TP53BP2: variants seen among roughly 807,000 people sequenced by gnomAD.
The protein encoded by TP53BP2 is tumor protein p53 binding protein 2.
Under a neutral mutation model 126.2 loss-of-function variants are expected in TP53BP2, and 62 were observed. The ratio of observed to expected loss-of-function variants is 0.49; its 90% CI spans 0.40 to 0.61. The LOEUF is 0.61. Ranked by LOEUF, TP53BP2 falls within the 20% of genes least tolerant of loss-of-function variation. TP53BP2 has a pLI of 0.00. For missense variants in TP53BP2, 1,215 were observed against 1,402.8 expected (o/e 0.87, Z 2.14); for synonymous variants, 485 against 502.9 (o/e 0.96, Z 0.48).
chr1:223,781,995 G>A (rs1420276787), intron 17 of TP53BP2, among the ~76,000 whole-genome samples: 3 of 152,096 alleles, frequency 2.0e-5, no homozygotes, highest in Non-Finnish European at 4.4e-5. Flanking sequence ...CACTGCTCCC[G>A]CACTTGGAAA....
intron 2 of TP53BP2, among the ~76,000 whole-genome samples, chr1:223,817,696 C>G (rs61823580): frequency 0.1 from 15,435 of 152,058 alleles, 887 homozygotes; most frequent in African/African-American, 0.16. Flanking sequence ...GAGGCTGAGG[C>G]AGGCGGATCA....
chr1:223,797,752 CAG>C (rs1213116520), intron 12 of TP53BP2, among the ~76,000 whole-genome samples: 1 of 150,792 alleles, frequency 6.6e-6, no homozygotes, highest in African/African-American at 2.4e-5. Flanking sequence ...CACACACATA[CAG>C]AGACACACAT....
chr1:223,811,056 G>T (rs1662893538), intron 3 of TP53BP2, among the ~76,000 whole-genome samples: 1 of 152,112 alleles, frequency 6.6e-6, no homozygotes, highest in Admixed American at 6.5e-5. Flanking sequence ...GTACTATGAG[G>T]TACTTCCACA....
intron 12 of TP53BP2, among the ~76,000 whole-genome samples, chr1:223,797,217 A>T: frequency 6.6e-6 from 1 of 152,178 alleles, no homozygotes; most frequent in East Asian, 1.9e-4. Context: ...TTATTTCATG[A>T]CTACAAAGCT....
chr1:223,820,979 A>G, intron 2 of TP53BP2: 1 of 560,676 alleles, frequency 1.8e-6, no homozygotes, highest in South Asian at 2.1e-5. Flanking sequence ...ACTGGACCAC[A>G]ACAGCCCAGA....
At chr1:223,797,772 T>C (rs1254747770) in intron 12 of TP53BP2, among the ~76,000 whole-genome samples, 1 of 145,566 alleles carries the variant, frequency 6.9e-6, no homozygotes, top group Non-Finnish European at 1.6e-5. Flanking sequence ...CATATATATA[T>C]GTGTGTGATG....
At chr1:223,826,276 G>T (rs531782525) in intron 1 of TP53BP2, among the ~76,000 whole-genome samples, 4 of 152,256 alleles carry the variant, frequency 2.6e-5, no homozygotes, top group African/African-American at 7.2e-5. Context: ...AAACTTTGGT[G>T]TGGACAGAGG....
At chr1:223,819,309 G>T (rs991794226) in intron 2 of TP53BP2, among the ~76,000 whole-genome samples, 3 of 152,032 alleles carry the variant, frequency 2.0e-5, no homozygotes, top group African/African-American at 7.2e-5. Flanking sequence ...ACAGAGTACA[G>T]CCCTGGCAAA....
At chr1:223,803,107 T>C in intron 7 of TP53BP2, 164 bp downstream of exon 7, 1 of 963,876 alleles carries the variant, frequency 1.0e-6, no homozygotes, top group Non-Finnish European at 1.5e-6. Flanking sequence ...CTGTCTAGGG[T>C]ACTATAAAGT....
At chr1:223,783,327 A>G (rs1471461261) in intron 17 of TP53BP2, among the ~76,000 whole-genome samples, 2 of 152,240 alleles carry the variant, frequency 1.3e-5, no homozygotes, top group African/African-American at 4.8e-5. Flanking sequence ...CGTAGAGGCC[A>G]GTGCTCACAA....
chr1:223,791,291 T>G (rs1153938), intron 15 of TP53BP2, among the ~76,000 whole-genome samples: 1 of 151,580 alleles, frequency 6.6e-6, no homozygotes, highest in African/African-American at 2.4e-5. Flanking sequence ...TAAAAAATAA[T>G]TTTTTTTTAA....
intron 1 of TP53BP2, among the ~76,000 whole-genome samples, chr1:223,831,455 T>C (rs1663707267): frequency 9.6e-6 from 1 of 104,670 alleles, no homozygotes; most frequent in Non-Finnish European, 1.9e-5. Context: ...TGCACACACA[T>C]ATGTACCATC....
chr1:223,802,271 A>T lies in TP53BP2; in HGVS notation c.1070T>A (p.Ile357Asn), dbSNP rs768611604. The T allele has an allele frequency of 9.9e-6, 16 of 1,614,212 alleles. No homozygotes were observed. In the Middle Eastern group the frequency reaches 4.9e-4, roughly 50 times the overall value. ...PSRVAAVGPY[I>N]QSSTMPRMPS... ...CATCCGAGGCATAGTAGACGACTGG[A>T]TATAGGGACCTACTGCAGCCACACG... Residue 357 changes from isoleucine (I) to asparagine (N), a missense_variant, in exon 9 of 18, where the codon ATC becomes AAC. Coordinates refer to ENST00000343537, the MANE Select transcript of TP53BP2 (RefSeq NM_001031685.3).
chr1:223,803,522 G>A (rs1006865025), intron 6 of TP53BP2, 70 bp from the exon 7 acceptor site: 85 of 1,430,828 alleles, frequency 5.9e-5, no homozygotes, highest in East Asian at 5.7e-4. Flanking sequence ...CCAGGCAACC[G>A]GGCTTTACAA....
At chr1:223,791,480 T>C (rs1487225857) in intron 15 of TP53BP2, among the ~76,000 whole-genome samples, 1 of 152,100 alleles carries the variant, frequency 6.6e-6, no homozygotes, top group Non-Finnish European at 1.5e-5. Flanking sequence ...AAAACAAAAG[T>C]TGGAAAACAA....
Position 223,804,287 on chromosome 1 carries a change from T to A in TP53BP2, c.536A>T (p.Gln179Leu). Residue 179 changes from glutamine (Q) to leucine (L), a missense_variant, in exon 6 of 18, where the codon CAG becomes CTG. This residue lies in a region of TP53BP2 where 814 missense variants were observed against 853.0 expected (regional missense o/e 0.95). Transcript: ENST00000343537. ...TTCTTTTAGCCTTTTAAGTTTCTCC[T>A]GCTCAGCAACTTGTTGCTGTTGTCG... Reference protein sequence around the residue: ...DQRQQQQVAEQEKLKRLKEIA... With the variant: ...DQRQQQQVAELEKLKRLKEIA... 1 of 1,614,142 alleles carries A rather than the reference T, an allele frequency of 6.2e-7. No homozygotes were observed. The highest frequency in any genetic ancestry group is 1.7e-5 in the Admixed American group (1 of 60,008).
Position 223,798,415 on chromosome 1 carries a change from G to A in TP53BP2, c.1748C>T (p.Pro583Leu). 1 of 1,614,138 alleles carries A rather than the reference G, an allele frequency of 6.2e-7. No individual in the cohort carries two copies. ...AAAGGGCCGGACGGCAGCAGCAGGT[G>A]GACTTTCTTGCTTAGAACCTGGAGA... Reference protein sequence around the residue: ...TLSPGSKQESPPAAAVRPFTP... With the variant: ...TLSPGSKQESLPAAAVRPFTP... Residue 583 changes from proline (P) to leucine (L), a missense_variant, in exon 12 of 18, where the codon CCA becomes CTA. Physicochemically the swap from Pro to Leu is moderately conservative, Grantham distance 98. Transcript: ENST00000343537.
chr1:223,812,629 G>A (rs1182452609), intron 3 of TP53BP2, among the ~76,000 whole-genome samples: 1 of 151,974 alleles, frequency 6.6e-6, no homozygotes, highest in Non-Finnish European at 1.5e-5. Context: ...GTGCCATCTC[G>A]GCTCACTGCA....
rs754644556 is a variant in TP53BP2 at position 223,821,297 on chromosome 1, A to C, written c.98T>G (p.Ile33Arg). Residue 33 changes from isoleucine to arginine, a missense_variant, in exon 2 of 18, where the codon ATA (isoleucine) becomes AGA (arginine). Ile to Arg is a moderately conservative substitution (Grantham distance 97). This residue lies in a region of TP53BP2 where 814 missense variants were observed against 853.0 expected (regional missense o/e 0.95). Transcript: ENST00000343537. ...FTEVPVTPET[I>R]CRDVVDLCKE... Reference sequence around the variant, plus strand: ...GCACAGATCCACCACGTCTCTGCATATTGTTTCTGGAGTAACTGGAACTTC... The same window carrying C: ...GCACAGATCCACCACGTCTCTGCATCTTGTTTCTGGAGTAACTGGAACTTC... 7 of 1,613,940 alleles carry C rather than the reference A, an allele frequency of 4.3e-6. No individual in the cohort carries two copies. The Admixed American group carries it at 1.2e-4, about 27-fold the overall frequency.
Sources: gnomAD v4.1 joint callset for allele counts (sites outside exome capture counted in the v4.1 genomes callset) on GRCh38, gnomAD v4.1.1 for gene constraint, gnomAD v4.1.1 regional missense constraint, MANE v1.5 for transcripts, NCBI Gene and HGNC (gene_info 2026-07-23, HGNC 2026-07-21) for gene names.